The following CACNA2D3 variants were observed in gnomAD, a reference collection of about 807,000 sequenced individuals.
CACNA2D3 encodes the protein calcium voltage-gated channel auxiliary subunit alpha2delta 3.
Under a neutral mutation model 160.6 loss-of-function variants are expected in CACNA2D3, and 60 were observed. That is an observed-to-expected ratio of 0.37 (90% confidence interval 0.30 to 0.46). The LOEUF is 0.46. CACNA2D3 is among the 20% of genes least tolerant of loss of function. CACNA2D3 has a pLI of 1.00. For missense variants in CACNA2D3, 1,205 were observed against 1,365.0 expected (o/e 0.88, Z 1.85); for synonymous variants, 558 against 492.9 (o/e 1.13, Z -1.75).
At chr3:54,813,381 A>G (rs1463143238) in intron 13 of CACNA2D3, among the ~76,000 whole-genome samples, 2 of 152,170 alleles carry the variant, frequency 1.3e-5, no homozygotes, top group African/African-American at 4.8e-5. Context: ...CCTCATGATG[A>G]TGAGAAGTGC....
chr3:54,548,334 C>T (rs960098961), intron 5 of CACNA2D3, among the ~76,000 whole-genome samples: 4 of 152,216 alleles, frequency 2.6e-5, no homozygotes, highest in African/African-American at 9.6e-5. Flanking sequence ...TAAAATTTCT[C>T]CAACATCATG....
chr3:54,885,527 A>C lies in CACNA2D3; in HGVS notation c.1997A>C (p.His666Pro), dbSNP rs747064363. ...CNTDLHPEHR[H>P]LSQLEAIKLY... ...ACTGACCTACACCCTGAGCACCGCC[A>C]TCTGTCTCAGTTAGAAGCGATTAAG... The change falls in exon 23 of 38, where the codon CAT (histidine) becomes CCT (proline). Residue 666 changes from histidine (H) to proline (P), a missense_variant. His to Pro is a moderately conservative substitution (Grantham distance 77, BLOSUM62 -2). This residue lies in a region of CACNA2D3 where 911 missense variants were observed against 1,002.2 expected (regional missense o/e 0.91). Transcript: ENST00000474759. 2 of 1,613,824 alleles carry C rather than the reference A, an allele frequency of 1.2e-6. No individual in the cohort carries two copies. Among genetic ancestry groups the C allele is most frequent in the South Asian group, 1.1e-5 (1 of 91,008 alleles).
At chr3:54,345,664 G>A (rs1575407262) in intron 3 of CACNA2D3, among the ~76,000 whole-genome samples, 1 of 152,056 alleles carries the variant, frequency 6.6e-6, no homozygotes, top group African/African-American at 2.4e-5. Context: ...TTTTTTCTCT[G>A]TGAGGCTCAG....
intron 3 of CACNA2D3, among the ~76,000 whole-genome samples, chr3:54,337,097 C>CAGAG (rs372784668): frequency 0.013 from 2,017 of 152,136 alleles, 20 homozygotes; most frequent in Non-Finnish European, 0.022. Flanking sequence ...GACAGACAGA[C>CAGAG]AGACAGAAAT....
intron 30 of CACNA2D3, among the ~76,000 whole-genome samples, chr3:54,987,122 C>G (rs1702632160): frequency 6.6e-6 from 1 of 152,138 alleles, no homozygotes; most frequent in Non-Finnish European, 1.5e-5. Context: ...GCTGGATAGT[C>G]TTACTCTTGG....
chr3:54,403,356 A>AACACACACAC (rs55779518), intron 4 of CACNA2D3, among the ~76,000 whole-genome samples: 63 of 137,698 alleles, frequency 4.6e-4, no homozygotes, highest in African/African-American at 1.2e-3. Flanking sequence ...CCCTATCTCA[A>AACACACACAC]ACACACACAC....
chr3:54,279,718 A>G, intron 2 of CACNA2D3, among the ~76,000 whole-genome samples: 1 of 152,100 alleles, frequency 6.6e-6, no homozygotes, highest in East Asian at 1.9e-4. Flanking sequence ...AATTGAAACC[A>G]TTTCGAGTTC....
intron 4 of CACNA2D3, among the ~76,000 whole-genome samples, chr3:54,498,046 T>G (rs371290559): frequency 6.6e-6 from 1 of 151,020 alleles, no homozygotes; most frequent in Non-Finnish European, 1.5e-5. Context: ...GCATATAGTT[T>G]TTTTTTTTTT....
chr3:54,530,020 G>A (rs1701783138), intron 5 of CACNA2D3, among the ~76,000 whole-genome samples: 1 of 152,144 alleles, frequency 6.6e-6, no homozygotes, highest in South Asian at 2.1e-4. Flanking sequence ...TTCAGTATTG[G>A]GTGAGGTCCT....
chr3:54,531,737 C>T (rs372496332), intron 5 of CACNA2D3, among the ~76,000 whole-genome samples: 1 of 152,184 alleles, frequency 6.6e-6, no homozygotes, highest in East Asian at 1.9e-4. Context: ...ACTTGAATTG[C>T]TTGGGTGGAA....
chr3:54,914,454 A>T (rs951573932), intron 27 of CACNA2D3, among the ~76,000 whole-genome samples: 3 of 152,192 alleles, frequency 2.0e-5, no homozygotes, highest in Non-Finnish European at 4.4e-5. Flanking sequence ...TTTGTTATCA[A>T]GGTCGTCTTG....
At position 54,314,860 on chromosome 3, in the gene CACNA2D3, G is replaced by A. The variant is rs535887983; in HGVS notation, c.205-5582G>A. 1.2e-4 allele frequency among the ~76,000 whole-genome samples: 18 copies of A among 152,294 alleles called. 1 individual carries two copies. Among genetic ancestry groups the A allele is most frequent in the Middle Eastern group, 3.4e-3 (1 of 294 alleles). Reference sequence around the variant, plus strand: ...TGGAGACAGGATGCAAAGCCAGCCTGGCTCAAACCTTTCACCTGGTGCCAT... The same window carrying A: ...TGGAGACAGGATGCAAAGCCAGCCTAGCTCAAACCTTTCACCTGGTGCCAT... On this transcript the variant is annotated intron_variant, in intron 2 of 37. Coordinates refer to ENST00000474759, the MANE Select transcript of CACNA2D3 (RefSeq NM_018398.3).
chr3:54,234,961 C>G (rs538154706), intron 2 of CACNA2D3, among the ~76,000 whole-genome samples: 1 of 152,244 alleles, frequency 6.6e-6, no homozygotes, highest in South Asian at 2.1e-4. Context: ...ACCCCCAAGA[C>G]ACATGTTTAC....
intron 2 of CACNA2D3, among the ~76,000 whole-genome samples, chr3:54,143,798 C>T (rs190776902): frequency 4.5e-4 from 68 of 152,022 alleles, no homozygotes; most frequent in Non-Finnish European, 6.6e-4. Context: ...CGTGCCTGGC[C>T]GATTGTTAAT....
intron 11 of CACNA2D3, among the ~76,000 whole-genome samples, chr3:54,705,360 T>G (rs1700839620): frequency 6.6e-6 from 1 of 152,200 alleles, no homozygotes; most frequent in Non-Finnish European, 1.5e-5. Flanking sequence ...ATAAGGTAAC[T>G]TATCTGTAGC....
Position 54,586,572 on chromosome 3 carries a change from T to C in CACNA2D3, c.963+4695T>C, listed in dbSNP as rs538023643. Among the ~76,000 whole-genome samples the C allele has an allele frequency of 2.6e-5, 4 of 152,294 alleles. No individual in the cohort carries two copies. The South Asian group carries it at 8.3e-4, about 32-fold the overall frequency. Reference sequence around the variant, plus strand: ...GGATAGAAATAGACAGATTTACAATTATAGTTGGGACTTGTACATTCCACA... The same window carrying C: ...GGATAGAAATAGACAGATTTACAATCATAGTTGGGACTTGTACATTCCACA... On this transcript the variant is annotated intron_variant, in intron 9 of 37. Transcript: ENST00000474759.
chr3:54,569,893 A>C (rs1351306146), intron 7 of CACNA2D3, 38 bp downstream of exon 7: 3 of 1,612,568 alleles, frequency 1.9e-6, no homozygotes, highest in Admixed American at 1.7e-5. Flanking sequence ...TTTCTCAAAG[A>C]GATATCTTGA....
chr3:54,943,049 A>G (rs2106990539), intron 27 of CACNA2D3, among the ~76,000 whole-genome samples: 1 of 152,030 alleles, frequency 6.6e-6, no homozygotes, highest in Middle Eastern at 3.4e-3. Flanking sequence ...ATAAAAACTC[A>G]AAATTAACCA....
intron 29 of CACNA2D3, among the ~76,000 whole-genome samples, chr3:54,984,117 A>C (rs1255103180): frequency 6.6e-6 from 1 of 152,200 alleles, no homozygotes; most frequent in Non-Finnish European, 1.5e-5. Flanking sequence ...CTATGAACAA[A>C]TTAAAAAATA....
Sources: gnomAD v4.1 joint callset for allele counts (sites outside exome capture counted in the v4.1 genomes callset) on GRCh38, gnomAD v4.1.1 for gene constraint, gnomAD v4.1.1 regional missense constraint, MANE v1.5 for transcripts, NCBI Gene and HGNC (gene_info 2026-07-23, HGNC 2026-07-21) for gene names.